Variants in PCCA observed in about 807,000 individuals in gnomAD.
PCCA encodes the protein propionyl-CoA carboxylase subunit alpha, also known as propionyl-CoA carboxylase alpha chain, mitochondrial.
In PCCA, 74 loss-of-function variants were observed where a neutral mutation model predicts 101.3. That is an observed-to-expected ratio of 0.73 (90% CI 0.61 to 0.89). The LOEUF (loss-of-function observed/expected upper bound fraction) is 0.89, where lower values mean the gene tolerates loss of function less well. PCCA is among the 40% of genes least tolerant of loss of function. The probability of loss-of-function intolerance (pLI) is 0.00; values close to 1 mark genes in which losing one functional copy is unlikely to be tolerated. For synonymous variants in PCCA, 294 were observed against 313.6 expected (o/e 0.94, Z 0.66); for missense variants, 891 against 907.0 (o/e 0.98, Z 0.23).
intron 7 of PCCA, among the ~76,000 whole-genome samples, chr13:100,226,925 G>A (rs532463293): frequency 2.0e-5 from 3 of 152,294 alleles, no homozygotes; most frequent in South Asian, 4.1e-4. Flanking sequence ...TGAGGAAACC[G>A]AATACCAGAG....
chr13:100,110,223 T>C (rs2048186713), intron 2 of PCCA, among the ~76,000 whole-genome samples: 1 of 152,244 alleles, frequency 6.6e-6, no homozygotes, highest in Non-Finnish European at 1.5e-5. Flanking sequence ...TTTAGAAATA[T>C]AACTGACACT....
At chr13:100,451,986 CTTT>C (rs1342584695) in intron 21 of PCCA, among the ~76,000 whole-genome samples, 2 of 25,820 alleles carry the variant, frequency 7.7e-5, no homozygotes, top group African/African-American at 2.2e-4. Context: ...CCCTCTCTCT[CTTT>C]TCTCCCTCTC....
chr13:100,456,065 C>T (rs1490514667), intron 21 of PCCA, among the ~76,000 whole-genome samples: 4 of 152,212 alleles, frequency 2.6e-5, no homozygotes, highest in African/African-American at 9.6e-5. Flanking sequence ...CTTTGTTCCA[C>T]ATCTTCACTT....
chr13:100,469,500 C>T (rs1187845593), intron 21 of PCCA, among the ~76,000 whole-genome samples: 1 of 151,636 alleles, frequency 6.6e-6, no homozygotes, highest in Non-Finnish European at 1.5e-5. Context: ...ATGGTGTGGC[C>T]GGGCACGGTG....
At chr13:100,345,851 C>T (rs375667655) in intron 18 of PCCA, among the ~76,000 whole-genome samples, 227 of 152,122 alleles carry the variant, frequency 1.5e-3, no homozygotes, top group African/African-American at 5.0e-3. Context: ...ACCCTAGGGT[C>T]TTTAAGAATT....
chr13:100,348,934 C>CT (rs112432655), intron 18 of PCCA, among the ~76,000 whole-genome samples: 28,816 of 51,852 alleles, frequency 0.56, 6,383 homozygotes, highest in Non-Finnish European at 0.61. Context: ...CTTTTCTTTT[C>CT]TTTCTTTTCT....
intron 6 of PCCA, among the ~76,000 whole-genome samples, chr13:100,175,032 A>C (rs750383414): frequency 6.6e-6 from 1 of 152,186 alleles, no homozygotes; most frequent in Non-Finnish European, 1.5e-5. Flanking sequence ...TTAGATTATG[A>C]TGAACAGACT....
At chr13:100,478,958 T>C (rs1334057554) in intron 21 of PCCA, among the ~76,000 whole-genome samples, 2 of 152,066 alleles carry the variant, frequency 1.3e-5, no homozygotes, top group African/African-American at 4.8e-5. Flanking sequence ...AACACACAAT[T>C]TGACTCTGCA....
At chr13:100,124,390 T>TA (rs2049739035) in intron 4 of PCCA, among the ~76,000 whole-genome samples, 1 of 152,106 alleles carries the variant, frequency 6.6e-6, no homozygotes, top group African/African-American at 2.4e-5. Context: ...GAACCTAAAA[T>TA]TAGGGAAGTA....
intron 12 of PCCA, among the ~76,000 whole-genome samples, chr13:100,282,385 G>C (rs1376679261): frequency 6.6e-6 from 1 of 152,222 alleles, no homozygotes; most frequent in Admixed American, 6.5e-5. Flanking sequence ...CACTGTGGGA[G>C]CCCCTTTCTG....
At chr13:100,351,388 A>G in intron 18 of PCCA, among the ~76,000 whole-genome samples, 1 of 152,138 alleles carries the variant, frequency 6.6e-6, no homozygotes, top group African/African-American at 2.4e-5. Context: ...CAAATGGGAA[A>G]ATATATCTTT....
At chr13:100,321,591 C>CTGTGTGTGTGTG (rs35931512) in intron 16 of PCCA, among the ~76,000 whole-genome samples, 2 of 132,012 alleles carry the variant, frequency 1.5e-5, no homozygotes, top group African/African-American at 5.7e-5. Flanking sequence ...TATAGAAGAT[C>CTGTGTGTGTGTG]TGTGTGTGTG....
intron 21 of PCCA, among the ~76,000 whole-genome samples, chr13:100,492,997 A>G (rs1392285018): frequency 6.6e-6 from 1 of 151,846 alleles, no homozygotes; most frequent in African/African-American, 2.4e-5. Context: ...CTGGACAAAG[A>G]CTTGGGTACC....
intron 5 of PCCA, among the ~76,000 whole-genome samples, chr13:100,155,558 G>A (rs1327598864): frequency 6.6e-6 from 1 of 152,186 alleles, no homozygotes; most frequent in Non-Finnish European, 1.5e-5. Flanking sequence ...GTTAATGTCA[G>A]TAGAATGCTC....
intron 4 of PCCA, among the ~76,000 whole-genome samples, chr13:100,137,876 T>G (rs1439692204): frequency 1.3e-5 from 2 of 151,766 alleles, no homozygotes; most frequent in Non-Finnish European, 2.9e-5. Flanking sequence ...GTGGCGCGAT[T>G]ATGGCCCACT....
At chr13:100,457,622 A>G (rs1297465027) in intron 21 of PCCA, among the ~76,000 whole-genome samples, 2 of 152,176 alleles carry the variant, frequency 1.3e-5, no homozygotes, top group Admixed American at 6.5e-5. Flanking sequence ...GAGTCTTTTT[A>G]TACTGTGCAG....
intron 19 of PCCA, among the ~76,000 whole-genome samples, chr13:100,407,707 T>A (rs2077767050): frequency 6.6e-6 from 1 of 152,244 alleles, no homozygotes; most frequent in Admixed American, 6.5e-5. Context: ...AACTGTCCTT[T>A]AACCTAGACA....
chr13:100,263,844 T>C (rs892904627), intron 10 of PCCA, among the ~76,000 whole-genome samples: 1 of 42,580 alleles, frequency 2.3e-5, no homozygotes, highest in Non-Finnish European at 5.2e-5. Context: ...CTGTATATCG[T>C]ATATATATAT....
At chr13:100,416,193 T>TG (rs996503624) in intron 19 of PCCA, among the ~76,000 whole-genome samples, 2 of 151,962 alleles carry the variant, frequency 1.3e-5, no homozygotes, top group African/African-American at 4.8e-5. Flanking sequence ...AATCATGGTT[T>TG]TTTTTTTTTT....
Sources: allele counts gnomAD v4.1 joint callset (sites outside exome capture counted in the v4.1 genomes callset), GRCh38; gene constraint gnomAD v4.1.1; transcripts MANE v1.5; gene names NCBI Gene and HGNC (gene_info 2026-07-23, HGNC 2026-07-21).